The following RALGAPA2 variants were observed in gnomAD, a reference collection of about 807,000 sequenced individuals.
RALGAPA2 encodes the protein ral GTPase-activating protein subunit alpha-2.
A neutral mutation model predicts 230.4 loss-of-function variants in RALGAPA2; 139 were observed. The observed-to-expected ratio is 0.60, with a 90% CI of 0.53 to 0.69. The LOEUF is 0.69. Among genes scored for constraint, RALGAPA2 ranks in the 30% least tolerant of loss-of-function variants. RALGAPA2 has a pLI of 0.00. For synonymous variants in RALGAPA2, 847 were observed against 837.8 expected, an observed-to-expected ratio of 1.01 and a Z score of -0.19; for missense variants, 2,163 against 2,276.0, an observed-to-expected ratio of 0.95 and a Z score of 1.01.
At chr20:20,668,772 A>G (rs56084826) in intron 3 of RALGAPA2, among the ~76,000 whole-genome samples, 6,454 of 152,320 alleles carry the variant, frequency 0.042, 186 homozygotes, top group Middle Eastern at 0.075. Context: ...AGCTAAGGGC[A>G]GTCCCTGAAA....
rs528589589 is a variant in RALGAPA2, at chr20:20,552,642, G to T, written c.3157-5810C>A. 7.2e-5 allele frequency among the ~76,000 whole-genome samples: 11 copies of T among 152,202 alleles called. No individual in the cohort carries two copies. In the South Asian group the frequency reaches 1.9e-3, roughly 26 times the overall value. ...AGAGGAATACATTCATACTATATAT[G>T]AATATAATTTAAACTTTAACAATGG... On this transcript the variant is annotated intron_variant, in intron 23 of 39. Coordinates refer to ENST00000202677, the MANE Select transcript of RALGAPA2 (RefSeq NM_020343.4).
chr20:20,549,894 A>G, intron 23 of RALGAPA2, among the ~76,000 whole-genome samples: 1 of 152,220 alleles, frequency 6.6e-6, no homozygotes. Flanking sequence ...GCTCTCAGAC[A>G]TGAGTCATTC....
At chr20:20,600,384 T>C (rs1408878860) in intron 16 of RALGAPA2, among the ~76,000 whole-genome samples, 1 of 152,168 alleles carries the variant, frequency 6.6e-6, no homozygotes, top group Non-Finnish European at 1.5e-5. Flanking sequence ...ATGAGCATCC[T>C]CAAAAGTTGC....
In RALGAPA2 at chr20:20,635,686, T is replaced by C. The variant is rs561075173; in HGVS notation, c.806-69A>G. ...TAACATTAAGTAATCCCTACAAATG[T>C]TTTGGTTTCCAATTAAATCCAATTT... is the stretch of plus-strand genomic sequence containing the variant. On this transcript the variant is annotated intron_variant, in intron 8 of 39. Transcript: ENST00000202677. 1.8e-5 allele frequency: 24 copies of C among 1,326,726 alleles called. No homozygotes were observed. The East Asian group carries it at 2.7e-4, about 15-fold the overall frequency. 82.2% of individuals were successfully genotyped at this position (1,326,726 alleles called of 1,614,324 possible). A position where few individuals can be genotyped will look rare whatever the true frequency, so the allele number is the denominator to read the frequency against.
chr20:20,705,918 C>T (rs779260152), intron 1 of RALGAPA2, among the ~76,000 whole-genome samples: 53 of 152,276 alleles, frequency 3.5e-4, no homozygotes, highest in Non-Finnish European at 2.4e-4. Context: ...CTGCCCACCT[C>T]GGCCTCCCAA....
At chr20:20,625,397 CAG>C in intron 10 of RALGAPA2, among the ~76,000 whole-genome samples, 1 of 152,270 alleles carries the variant, frequency 6.6e-6, no homozygotes, top group South Asian at 2.1e-4. Context: ...ATTACATATA[CAG>C]AGAGACTTTG....
intron 4 of RALGAPA2, among the ~76,000 whole-genome samples, chr20:20,651,870 T>G (rs797015568): frequency 1.3e-5 from 2 of 152,344 alleles, no homozygotes; most frequent in Admixed American, 6.5e-5. Flanking sequence ...CAGCCATTCC[T>G]ACGGTACCAT....
intron 12 of RALGAPA2, among the ~76,000 whole-genome samples, chr20:20,617,187 T>C (rs2066172111): frequency 6.6e-6 from 1 of 152,248 alleles, no homozygotes; most frequent in Admixed American, 6.5e-5. Flanking sequence ...GGAGCTTCTC[T>C]AGCTCATTTA....
At chr20:20,420,492 C>T (rs745644704) in intron 37 of RALGAPA2, among the ~76,000 whole-genome samples, 14 of 152,176 alleles carry the variant, frequency 9.2e-5, no homozygotes, top group Non-Finnish European at 1.5e-4. Flanking sequence ...AAGAATGCTA[C>T]TTGCAGGCTT....
At chr20:20,549,493 G>A (rs1259047754) in intron 23 of RALGAPA2, among the ~76,000 whole-genome samples, 3 of 152,074 alleles carry the variant, frequency 2.0e-5, no homozygotes, top group Non-Finnish European at 4.4e-5. Flanking sequence ...GAGACACAGC[G>A]CCTGTGTGAA....
chr20:20,395,378 A>C (rs1358720496), intron 39 of RALGAPA2, among the ~76,000 whole-genome samples: 1 of 152,122 alleles, frequency 6.6e-6, no homozygotes, highest in Non-Finnish European at 1.5e-5. Context: ...TGACACGTCC[A>C]CTCGCAGCTT....
chr20:20,680,935 T>G, intron 1 of RALGAPA2, 134 bp from the exon 2 acceptor site: 1 of 1,390,782 alleles, frequency 7.2e-7, no homozygotes. Flanking sequence ...CAAAACAGTA[T>G]TCCTGTTTGT....
rs539526006 is a variant in RALGAPA2, at chr20:20,619,002, A to G, written c.1539+275T>C. Among the ~76,000 whole-genome samples, 6 of 152,340 alleles carry G rather than the reference A, an allele frequency of 3.9e-5. 1 individual carries two copies. In the South Asian group the frequency reaches 1.2e-3, roughly 32 times the overall value. ...TAATTTAAAGATTTAAATATCAGCC[A>G]TTTCATATTCACTATATAATAATCT... On this transcript the variant is annotated intron_variant, in intron 12 of 39. Coordinates refer to ENST00000202677, the MANE Select transcript of RALGAPA2 (RefSeq NM_020343.4).
chr20:20,631,857 C>T (rs1002578103), intron 9 of RALGAPA2, among the ~76,000 whole-genome samples: 3 of 152,112 alleles, frequency 2.0e-5, no homozygotes, highest in Admixed American at 6.5e-5. Flanking sequence ...GTACAAATGG[C>T]TGTCAGCCCA....
chr20:20,640,686 G>A lies in RALGAPA2; in HGVS notation c.550+15C>T, dbSNP rs1329955822. ...AGAGTAATTTCAACATGGGAGATCT[G>A]CTAACATAACTTACCATCAGCTACA... On this transcript the variant is annotated intron_variant, in intron 6 of 39. Transcript: ENST00000202677. 1.3e-6 allele frequency: 2 copies of A among 1,595,714 alleles called. No individual in the cohort carries two copies.
chr20:20,618,025 A>C (rs753965302), intron 12 of RALGAPA2, among the ~76,000 whole-genome samples: 1 of 152,224 alleles, frequency 6.6e-6, no homozygotes, highest in African/African-American at 2.4e-5. Flanking sequence ...GATATAAAAA[A>C]ATTTTTTTTC....
chr20:20,649,639 C>G (rs2067327466), intron 4 of RALGAPA2, among the ~76,000 whole-genome samples: 1 of 152,126 alleles, frequency 6.6e-6, no homozygotes, highest in Admixed American at 6.5e-5. Context: ...TAAAACATCT[C>G]TAATACAAAA....
chr20:20,595,473 A>G (rs2065422889), intron 16 of RALGAPA2, among the ~76,000 whole-genome samples: 1 of 152,220 alleles, frequency 6.6e-6, no homozygotes, highest in African/African-American at 2.4e-5. Flanking sequence ...ACTTCCTAGA[A>G]GCACACAAAC....
intron 37 of RALGAPA2, among the ~76,000 whole-genome samples, chr20:20,414,285 C>T (rs538442058): frequency 2.6e-5 from 4 of 152,310 alleles, no homozygotes; most frequent in Non-Finnish European, 5.9e-5. Flanking sequence ...GCAAGCACGT[C>T]CCTCTAAAGA....
Sources: gnomAD v4.1 joint callset for allele counts (sites outside exome capture counted in the v4.1 genomes callset) on GRCh38, gnomAD v4.1.1 for gene constraint, MANE v1.5 for transcripts, NCBI Gene and HGNC (gene_info 2026-07-23, HGNC 2026-07-21) for gene names.